The following GALNT2 variants were observed in gnomAD, a reference collection of about 807,000 sequenced individuals.
GALNT2 encodes UDP-GalNAc:polypeptide N-acetylgalactosaminyltransferase 2.
GALNT2 carries 31 observed loss-of-function variants against 81.4 expected under a neutral mutation model. That is an observed-to-expected ratio of 0.38 (90% CI 0.29 to 0.51). The LOEUF is 0.51. GALNT2 is among the 20% of genes least tolerant of loss of function. The pLI, the probability that GALNT2 is intolerant of heterozygous loss-of-function variation, is 0.87. For synonymous variants in GALNT2, 303 were observed against 287.4 expected (o/e 1.05, Z -0.55); for missense variants, 629 against 765.7 (o/e 0.82, Z 2.11).
chr1:230,057,912 G>C, upstream of GALNT2: 1 of 411,058 alleles, frequency 2.4e-6, no homozygotes, highest in Non-Finnish European at 5.0e-6. Flanking sequence ...GCTGGGGTTA[G>C]GTAAGTGTCG....
chr1:230,217,087 A>G, intron 3 of GALNT2, among the ~76,000 whole-genome samples: 1 of 151,794 alleles, frequency 6.6e-6, no homozygotes, highest in South Asian at 2.1e-4. Context: ...ACAAAACATT[A>G]AAAAAAAACT....
chr1:230,097,559 G>C (rs1398304948), intron 1 of GALNT2, among the ~76,000 whole-genome samples: 6 of 152,198 alleles, frequency 3.9e-5, no homozygotes, highest in African/African-American at 1.4e-4. Context: ...ATCCCTGTTA[G>C]AGCGTGTGTC....
At chr1:230,225,509 C>T (rs1664678474) in intron 3 of GALNT2, among the ~76,000 whole-genome samples, 1 of 152,094 alleles carries the variant, frequency 6.6e-6, no homozygotes, top group African/African-American at 2.4e-5. Flanking sequence ...CATGTTGGGC[C>T]TTATTCCCAG....
chr1:230,117,631 C>A (rs61524247), intron 1 of GALNT2, among the ~76,000 whole-genome samples: 25,113 of 152,114 alleles, frequency 0.17, 2,159 homozygotes, highest in Middle Eastern at 0.24. Context: ...GAACACACAC[C>A]ATGTTTATCC....
At position 230,243,180 on chromosome 1, in the gene GALNT2, C is replaced by T. The variant is rs2102741583; in HGVS notation, c.608-126C>T. ...GTTTTGATCTCATCCAGCAAGTTTA[C>T]AGTAATGTCCGTGCCCAGAAAGCAG... is the stretch of plus-strand genomic sequence containing the variant. On this transcript the variant is annotated intron_variant, in intron 6 of 15. Coordinates refer to ENST00000366672, the MANE Select transcript of GALNT2 (RefSeq NM_004481.5). The surrounding 1 kb of genome is among the most constrained non-coding windows in gnomAD (Gnocchi z 4.2). 2.4e-6 allele frequency: 3 copies of T among 1,257,610 alleles called. No homozygotes were observed. Among genetic ancestry groups the T allele is most frequent in the Middle Eastern group, 2.0e-4 (1 of 4,890 alleles). 77.9% of individuals were successfully genotyped at this position (1,257,610 alleles called of 1,614,324 possible). A position where few individuals can be genotyped will look rare whatever the true frequency, so the allele number is the denominator to read the frequency against.
intron 11 of GALNT2, chr1:230,262,342 A>G (rs1665901864): frequency 4.0e-6 from 2 of 497,022 alleles, no homozygotes; most frequent in South Asian, 3.7e-5. Flanking sequence ...TCTGTGTGAC[A>G]AGAAAGCCAT....
chr1:230,104,710 A>C (rs1660489659), intron 1 of GALNT2, among the ~76,000 whole-genome samples: 1 of 152,126 alleles, frequency 6.6e-6, no homozygotes, highest in African/African-American at 2.4e-5. Context: ...CAGTGCTGGG[A>C]GGTAGGAGGG....
At chr1:230,127,760 CCCGT>C (rs918363289) in intron 1 of GALNT2, among the ~76,000 whole-genome samples, 13 of 152,032 alleles carry the variant, frequency 8.6e-5, no homozygotes, top group Non-Finnish European at 1.6e-4. Context: ...GTGATACGCT[CCCGT>C]GCTCAGTTCA....
chr1:230,277,217 G>A (rs1237129648), intron 15 of GALNT2, among the ~76,000 whole-genome samples: 1 of 152,134 alleles, frequency 6.6e-6, no homozygotes, highest in Non-Finnish European at 1.5e-5. Context: ...GGATGTGGGG[G>A]CTGTTTCAGT....
At chr1:230,171,756 G>A (rs893081520) in intron 1 of GALNT2, among the ~76,000 whole-genome samples, 2 of 152,202 alleles carry the variant, frequency 1.3e-5, no homozygotes, top group Non-Finnish European at 2.9e-5. Context: ...TTTTATGTAT[G>A]TAAGCATGTT....
At chr1:230,124,162 T>C (rs901920721) in intron 1 of GALNT2, among the ~76,000 whole-genome samples, 1 of 152,218 alleles carries the variant, frequency 6.6e-6, no homozygotes, top group Non-Finnish European at 1.5e-5. Context: ...TCAAGAATAT[T>C]ACCCGGCCTG....
At chr1:230,269,143 T>TTC in intron 14 of GALNT2, among the ~76,000 whole-genome samples, 1 of 144,484 alleles carries the variant, frequency 6.9e-6, no homozygotes, top group Non-Finnish European at 1.5e-5. Context: ...AAATTTTTTT[T>TTC]TTCTTTTTTT....
chr1:230,082,232 G>C (rs941521952), intron 1 of GALNT2, among the ~76,000 whole-genome samples: 1 of 152,244 alleles, frequency 6.6e-6, no homozygotes, highest in African/African-American at 2.4e-5. Flanking sequence ...CTTTGTGTAA[G>C]GTGAAGCTGT....
chr1:230,104,983 T>C (rs1266300159), intron 1 of GALNT2, among the ~76,000 whole-genome samples: 2 of 152,142 alleles, frequency 1.3e-5, no homozygotes, highest in African/African-American at 2.4e-5. Flanking sequence ...AGAAATGGAA[T>C]GTAGGCAGGA....
intron 3 of GALNT2, among the ~76,000 whole-genome samples, chr1:230,215,099 G>A (rs1041568578): frequency 4.6e-5 from 7 of 152,150 alleles, no homozygotes; most frequent in Non-Finnish European, 7.4e-5. Context: ...GCTGGGTTTC[G>A]GTCTTTTGTG....
At chr1:230,119,839 T>A (rs1660959613) in intron 1 of GALNT2, among the ~76,000 whole-genome samples, 1 of 152,210 alleles carries the variant, frequency 6.6e-6, no homozygotes, top group East Asian at 1.9e-4. Context: ...AGGGTTCACA[T>A]TTTCCCAGCT....
chr1:230,157,566 A>G (rs1337618136), intron 1 of GALNT2, among the ~76,000 whole-genome samples: 1 of 152,216 alleles, frequency 6.6e-6, no homozygotes, highest in East Asian at 1.9e-4. Flanking sequence ...ACTGGAAACT[A>G]CGTAACTGTC....
At chr1:230,062,022 C>T (rs577588568) in intron 1 of GALNT2, among the ~76,000 whole-genome samples, 21 of 152,284 alleles carry the variant, frequency 1.4e-4, no homozygotes, top group South Asian at 4.1e-4. Context: ...TATGTGTTCA[C>T]GGACGTCTTC....
intron 14 of GALNT2, among the ~76,000 whole-genome samples, chr1:230,269,530 C>T (rs539454802): frequency 1.3e-5 from 2 of 152,190 alleles, no homozygotes; most frequent in East Asian, 1.9e-4. Flanking sequence ...GTGCTATGCC[C>T]AGAGAGCCTG....
Sources: gnomAD v4.1 joint callset for allele counts (sites outside exome capture counted in the v4.1 genomes callset) on GRCh38, gnomAD v4.1.1 for gene constraint, Gnocchi (gnomAD v3.1) non-coding constraint, MANE v1.5 for transcripts, NCBI Gene and HGNC (gene_info 2026-07-23, HGNC 2026-07-21) for gene names.